Variants in FOXK1 observed in about 807,000 individuals in gnomAD.
FOXK1 encodes forkhead box K1.
Under a neutral mutation model 51.9 loss-of-function variants are expected in FOXK1, and 19 were observed. The ratio of observed to expected loss-of-function variants is 0.37; its 90% CI spans 0.26 to 0.54. The LOEUF is 0.54. Among genes scored for constraint, FOXK1 ranks in the 20% least tolerant of loss-of-function variants. The pLI, the probability that FOXK1 is intolerant of heterozygous loss-of-function variation, is 0.87. For synonymous variants in FOXK1, 537 were observed against 482.6 expected (o/e 1.11, Z -1.48); for missense variants, 870 against 1,032.7 (o/e 0.84, Z 2.16).
Position 4,763,835 on chromosome 7 carries a change from T to C in FOXK1, c.*1371T>C, listed in dbSNP as rs1039844688. The C allele has an allele frequency of 6.6e-6, 1 of 152,292 alleles. No homozygotes were observed. 9.4% of individuals were successfully genotyped at this position (152,292 alleles called of 1,614,324 possible). A position where few individuals can be genotyped will look rare whatever the true frequency, so the allele number is the denominator to read the frequency against. Reference sequence around the variant, plus strand: ...TTCAGTGTGTCTTGGAGATGCGAAGTGCGTCCTCGTAAAGGTCAGCTGTCA... The same window carrying C: ...TTCAGTGTGTCTTGGAGATGCGAAGCGCGTCCTCGTAAAGGTCAGCTGTCA... On this transcript the variant is annotated 3_prime_UTR_variant, in exon 9 of 9. Coordinates refer to ENST00000328914, the MANE Select transcript of FOXK1 (RefSeq NM_001037165.2).
intron 2 of FOXK1, among the ~76,000 whole-genome samples, chr7:4,750,444 A>G (rs1294768919): frequency 2.1e-5 from 3 of 145,796 alleles, no homozygotes; most frequent in African/African-American, 7.5e-5. Context: ...CGTTTTCAGC[A>G]CTTTTTTTTT....
rs905125318 is a variant in FOXK1, at chr7:4,749,579, C to G, written c.747-4880C>G. Among the ~76,000 whole-genome samples the G allele has an allele frequency of 6.6e-6, 1 of 152,206 alleles. No homozygotes were observed. The highest frequency in any genetic ancestry group is 1.5e-5 in the Non-Finnish European group (1 of 68,040). ...CCGTCGCAGCTCCTTCCTCCAGCCC[C>G]TCCAGGCGGGTCCCTCTGTGTCTCT... On this transcript the variant is annotated intron_variant, in intron 2 of 8. Coordinates refer to ENST00000328914, the MANE Select transcript of FOXK1 (RefSeq NM_001037165.2). The surrounding 1 kb of genome is among the most constrained non-coding windows in gnomAD (Gnocchi z 6.0).
Position 4,761,137 on chromosome 7 carries a change from C to A in FOXK1, c.1770C>A (p.Ser590Arg), listed in dbSNP as rs1217355771. The change falls in exon 8 of 9, where the codon AGC becomes AGA. Residue 590 changes from serine (S) to arginine (R), a missense_variant. Transcript: ENST00000328914. This position sits in a 1 kb window ranked among gnomAD's most constrained non-coding sequence, Gnocchi z 6.2. Reference protein sequence around the residue: ...AAGGVIQTVASQMAPGVPGHT... With the variant: ...AAGGVIQTVARQMAPGVPGHT... ...GTGGAGTCATCCAGACGGTGGCCAG[C>A]CAGATGGCCCCCGGGGTCCCCGGAC... 2 of 1,612,782 alleles carry A rather than the reference C, an allele frequency of 1.2e-6. No homozygotes were observed. The highest frequency in any genetic ancestry group is 1.7e-6 in the Non-Finnish European group (2 of 1,180,020).
rs147616452 is a variant in FOXK1, at chr7:4,723,293, C to A, written c.561-17545C>A. Reference sequence around the variant, plus strand: ...TGAAGGATGTGGCTGCTGCCCGACTCCAGAGTGACAAATATAGCAAAAGAG... The same window carrying A: ...TGAAGGATGTGGCTGCTGCCCGACTACAGAGTGACAAATATAGCAAAAGAG... On this transcript the variant is annotated intron_variant, in intron 1 of 8. Transcript: ENST00000328914. The surrounding 1 kb of genome is among the most constrained non-coding windows in gnomAD (Gnocchi z 4.7). Among the ~76,000 whole-genome samples, 2,204 of 152,112 alleles carry A rather than the reference C, an allele frequency of 0.014. 29 individuals carry two copies. The highest frequency in any genetic ancestry group is 0.024 in the Middle Eastern group (7 of 294).
intron 1 of FOXK1, among the ~76,000 whole-genome samples, chr7:4,686,141 C>T (rs1252023120): frequency 1.3e-5 from 2 of 152,126 alleles, no homozygotes; most frequent in African/African-American, 4.8e-5. Flanking sequence ...CCTGGTATTG[C>T]CACTGCTACT....
rs1300521637 is a variant in FOXK1, at chr7:4,760,960, T to C, written c.1697-104T>C. 1.0e-5 allele frequency: 11 copies of C among 1,068,880 alleles called. No individual in the cohort carries two copies. In the Admixed American group the frequency reaches 2.0e-4, roughly 19 times the overall value. 66.2% of individuals were successfully genotyped at this position (1,068,880 alleles called of 1,614,324 possible). A position where few individuals can be genotyped will look rare whatever the true frequency, so the allele number is the denominator to read the frequency against. ...CTCTAGCAAACCTATTTTTTCCCAG[T>C]GCCGACCTCACTTTCCCCACTTGTC... On this transcript the variant is annotated intron_variant, in intron 7 of 8. Coordinates refer to ENST00000328914, the MANE Select transcript of FOXK1 (RefSeq NM_001037165.2).
Position 4,753,783 on chromosome 7 carries a change from C to T in FOXK1, c.747-676C>T, listed in dbSNP as rs934732461. Among the ~76,000 whole-genome samples the T allele has an allele frequency of 3.9e-5, 6 of 152,170 alleles. No homozygotes were observed. The highest frequency in any genetic ancestry group is 2.6e-4 in the Admixed American group (4 of 15,286). The stretch of plus-strand genomic sequence containing the variant: ...GGACGCAGCCTCCTGCCTGTGGTCC[C>T]GGCCTCAACCCAGAGCCTCACCTGC... On this transcript the variant is annotated intron_variant, in intron 2 of 8. Transcript: ENST00000328914. The surrounding 1 kb of genome is among the most constrained non-coding windows in gnomAD (Gnocchi z 4.9).
At chr7:4,701,766 G>A (rs374044165) in intron 1 of FOXK1, among the ~76,000 whole-genome samples, 266 of 152,314 alleles carry the variant, frequency 1.7e-3, no homozygotes, top group Middle Eastern at 0.017. Flanking sequence ...GGTGGCGGGC[G>A]CCTGTAGTCC....
chr7:4,686,238 G>C (rs1779815927), intron 1 of FOXK1, among the ~76,000 whole-genome samples: 1 of 152,148 alleles, frequency 6.6e-6, no homozygotes, highest in East Asian at 1.9e-4. Context: ...GATTTGGTGG[G>C]AGGTCTATGT....
Position 4,745,008 on chromosome 7 carries a change from G to A in FOXK1, c.746+3985G>A, listed in dbSNP as rs189306551. Among the ~76,000 whole-genome samples the A allele has an allele frequency of 3.3e-5, 5 of 152,360 alleles. No homozygotes were observed. The highest frequency in any genetic ancestry group is 4.8e-5 in the African/African-American group (2 of 41,588). On this transcript the variant is annotated intron_variant, in intron 2 of 8. Coordinates refer to ENST00000328914, the MANE Select transcript of FOXK1 (RefSeq NM_001037165.2). This position sits in a 1 kb window ranked among gnomAD's most constrained non-coding sequence, Gnocchi z 4.3. ...AGGCCCTTGAGGTTTTCCCTGCCAA[G>A]ATACTTTTCAGTTTGAGTTTCTGCT...
In FOXK1 at chr7:4,755,070, AGT is replaced by A; in HGVS notation, c.904-166_904-165del. The A allele has an allele frequency of 1.3e-6, 1 of 768,966 alleles. No individual in the cohort carries two copies. The highest frequency in any genetic ancestry group is 2.0e-6 in the Non-Finnish European group (1 of 499,898). The allele number at this position is 768,966 out of a possible 1,614,324, so 47.6% of individuals were successfully genotyped here. ...CCATGAGGCAAAAATGGTTGTTCCT[AGT>A]TGAATGCAAGCACATTAATGGGATA... is the stretch of plus-strand genomic sequence containing the variant. On this transcript the variant is annotated intron_variant, in intron 3 of 8. Coordinates refer to ENST00000328914, the MANE Select transcript of FOXK1 (RefSeq NM_001037165.2). This position sits in a 1 kb window ranked among gnomAD's most constrained non-coding sequence, Gnocchi z 6.6.
Position 4,734,958 on chromosome 7 carries a change from T to C in FOXK1, c.561-5880T>C, listed in dbSNP as rs1780533841. Among the ~76,000 whole-genome samples the C allele has an allele frequency of 6.6e-6, 1 of 152,214 alleles. No homozygotes were observed. The highest frequency in any genetic ancestry group is 2.4e-5 in the African/African-American group (1 of 41,450). On this transcript the variant is annotated intron_variant, in intron 1 of 8. Transcript: ENST00000328914. This position sits in a 1 kb window ranked among gnomAD's most constrained non-coding sequence, Gnocchi z 5.2. Reference sequence around the variant, plus strand: ...TTTCACGGGCTCTTCCTTCCCTCTCTGATTATTTCTCTGAGTCTGAAATGA... The same window carrying C: ...TTTCACGGGCTCTTCCTTCCCTCTCCGATTATTTCTCTGAGTCTGAAATGA...
intron 1 of FOXK1, among the ~76,000 whole-genome samples, chr7:4,714,744 A>G (rs904897310): frequency 5.3e-5 from 8 of 152,190 alleles, no homozygotes; most frequent in African/African-American, 9.7e-5. Flanking sequence ...CTCAAAAGGT[A>G]TGCGGTTAAA....
rs1251881040 is a variant in FOXK1, at chr7:4,756,543, T to G, written c.1051-451T>G. Among the ~76,000 whole-genome samples the G allele has an allele frequency of 6.6e-6, 1 of 151,726 alleles. No homozygotes were observed. Among genetic ancestry groups the G allele is most frequent in the Non-Finnish European group, 1.5e-5 (1 of 67,842 alleles). On this transcript the variant is annotated intron_variant, in intron 4 of 8. Coordinates refer to ENST00000328914, the MANE Select transcript of FOXK1 (RefSeq NM_001037165.2). The surrounding 1 kb of genome is among the most constrained non-coding windows in gnomAD (Gnocchi z 4.1). ...GCTCATGCCTGTAATCCCAGCACTT[T>G]GGGAGGCCGAGGTGGAAGGATTGGT...
intron 1 of FOXK1, among the ~76,000 whole-genome samples, chr7:4,705,975 T>TATATATATATAC (rs1780088886): frequency 1.3e-5 from 1 of 77,414 alleles, no homozygotes; most frequent in African/African-American, 7.8e-5. Context: ...TATATATACG[T>TATATATATATAC]ATATATACGT....
chr7:4,741,107 C>T, intron 2 of FOXK1, 84 bp downstream of exon 2: 2 of 991,718 alleles, frequency 2.0e-6, no homozygotes, highest in South Asian at 4.1e-5. Context: ...GCACCGGGTT[C>T]CAAATCTCTC....
rs1157433597 is a variant in FOXK1, at chr7:4,723,390, GT to G, written c.561-17438del. Among the ~76,000 whole-genome samples the G allele has an allele frequency of 6.8e-5, 10 of 148,006 alleles. No individual in the cohort carries two copies. Among genetic ancestry groups the G allele is most frequent in the East Asian group, 2.0e-4 (1 of 5,070 alleles). On this transcript the variant is annotated intron_variant, in intron 1 of 8. Transcript: ENST00000328914. The surrounding 1 kb of genome is among the most constrained non-coding windows in gnomAD (Gnocchi z 4.7). ...CAAAGCTGTTTTTGTTTTCTGTGGG[GT>G]TTTTTTTTTGGACGTTCCCAGCTGA...
rs1466054687 is a variant in FOXK1 at position 4,702,830 on chromosome 7, CT to C, written c.560+19963del. On this transcript the variant is annotated intron_variant, in intron 1 of 8. Transcript: ENST00000328914. Reference sequence around the variant, plus strand: ...CCTGGACGGGGCCTTGACGGGGCCTCTGGCCTCCTCCCCTGCCTTCCTCTTC... The same window carrying C: ...CCTGGACGGGGCCTTGACGGGGCCTCGGCCTCCTCCCCTGCCTTCCTCTTC... Among the ~76,000 whole-genome samples, 4 of 152,200 alleles carry C rather than the reference CT, an allele frequency of 2.6e-5. No homozygotes were observed. The South Asian group carries it at 8.3e-4, about 32-fold the overall frequency.
At chr7:4,686,662 T>C (rs988701984) in intron 1 of FOXK1, among the ~76,000 whole-genome samples, 9 of 152,286 alleles carry the variant, frequency 5.9e-5, no homozygotes, top group African/African-American at 2.2e-4. Context: ...TTATGATGTT[T>C]CACCAGAGAC....
Sources: gnomAD v4.1 joint callset for allele counts (sites outside exome capture counted in the v4.1 genomes callset) on GRCh38, gnomAD v4.1.1 for gene constraint, Gnocchi (gnomAD v3.1) non-coding constraint, MANE v1.5 for transcripts, NCBI Gene and HGNC (gene_info 2026-07-23, HGNC 2026-07-21) for gene names.